VSNL1: variants seen among roughly 807,000 people sequenced by gnomAD.
VSNL1 encodes the protein visinin like 1.
In VSNL1, 6 loss-of-function variants were observed where a neutral mutation model predicts 20.4. The ratio of observed to expected loss-of-function variants is 0.29; its 90% CI spans 0.16 to 0.58. VSNL1 has a LOEUF of 0.58. Ranked by LOEUF, VSNL1 falls within the 20% of genes least tolerant of loss-of-function variation. The pLI is 0.90. For synonymous variants in VSNL1, 93 were observed against 86.4 expected (o/e 1.08, Z -0.42); for missense variants, 100 against 234.5 (o/e 0.43, Z 3.75).
At chr2:17,579,306 G>A (rs1208709192) in intron 1 of VSNL1, among the ~76,000 whole-genome samples, 2 of 152,086 alleles carry the variant, frequency 1.3e-5, no homozygotes, top group Non-Finnish European at 2.9e-5. Context: ...TAGTAGGGAC[G>A]GGGTTTCACT....
chr2:17,581,408 G>C (rs1428457478), intron 1 of VSNL1, among the ~76,000 whole-genome samples: 1 of 152,120 alleles, frequency 6.6e-6, no homozygotes, highest in African/African-American at 2.4e-5. Flanking sequence ...CATCAATGTA[G>C]ATATACATTA....
chr2:17,633,135 C>T (rs1232583275), intron 2 of VSNL1, among the ~76,000 whole-genome samples: 1 of 152,162 alleles, frequency 6.6e-6, no homozygotes, highest in Non-Finnish European at 1.5e-5. Context: ...TCATGTCTTA[C>T]ATGGCATCAG....
Position 17,656,901 on chromosome 2 carries a change from G to C in VSNL1, c.*1507G>C, listed in dbSNP as rs1164565364. On this transcript the variant is annotated 3_prime_UTR_variant, in exon 4 of 4. Transcript: ENST00000295156. ...TAGCTAGTGGCTTTAGTAACAGACAGTTTAGTGCTATATTATTTATTCAAG... is the reference window on the plus strand; with the variant it reads ...TAGCTAGTGGCTTTAGTAACAGACACTTTAGTGCTATATTATTTATTCAAG... The C allele has an allele frequency of 6.6e-6, 1 of 152,170 alleles. No individual in the cohort carries two copies. Among genetic ancestry groups the C allele is most frequent in the Non-Finnish European group, 1.5e-5 (1 of 68,018 alleles). The allele number at this position is 152,170 out of a possible 1,614,324, so 9.4% of individuals were successfully genotyped here.
At chr2:17,608,393 A>G (rs1665004503) in intron 2 of VSNL1, among the ~76,000 whole-genome samples, 1 of 152,244 alleles carries the variant, frequency 6.6e-6, no homozygotes, top group Non-Finnish European at 1.5e-5. Flanking sequence ...TTCACAGCTC[A>G]GCCCCAGTCA....
chr2:17,593,653 A>G (rs1664646111), intron 2 of VSNL1, among the ~76,000 whole-genome samples: 1 of 152,244 alleles, frequency 6.6e-6, no homozygotes, highest in South Asian at 2.1e-4. Context: ...CAGAATAAGT[A>G]GTGTGCATTT....
In VSNL1 at chr2:17,592,172, G is replaced by A. The variant is rs1176302711; in HGVS notation, c.98G>A (p.Gly33Glu). Residue 33 changes from glycine (G) to glutamate (E), a missense_variant, in exon 2 of 4, where the codon GGA (glycine) becomes GAA (glutamate). Gly to Glu is a moderately conservative substitution (Grantham distance 98). Transcript: ENST00000295156. ...NEHELKQWYK[G>E]FLKDCPSGRL... ...CATGAACTCAAGCAGTGGTACAAAG[G>A]ATTTCTCAAGGACTGTCCAAGTGGG... is the stretch of plus-strand genomic sequence containing the variant. The A allele has an allele frequency of 6.2e-7, 1 of 1,613,774 alleles. No individual in the cohort carries two copies. The highest frequency in any genetic ancestry group is 8.5e-7 in the Non-Finnish European group (1 of 1,179,836).
At chr2:17,590,893 G>A (rs113993518) in intron 1 of VSNL1, among the ~76,000 whole-genome samples, 20 of 152,102 alleles carry the variant, frequency 1.3e-4, no homozygotes, top group African/African-American at 4.8e-4. Flanking sequence ...AGATCATCTG[G>A]CACTTTCCAG....
chr2:17,636,745 T>C lies in VSNL1; in HGVS notation c.163-12665T>C, dbSNP rs773861631. ...CTATTTTTTTTTTTTACCTTTGTAA[T>C]ATGGCTATTAGAAAAATTCCAATTC... On this transcript the variant is annotated intron_variant, in intron 2 of 3. Coordinates refer to ENST00000295156, the MANE Select transcript of VSNL1 (RefSeq NM_003385.5). Among the ~76,000 whole-genome samples the C allele has an allele frequency of 4.3e-4, 66 of 152,208 alleles. 1 individual carries two copies. The highest frequency in any genetic ancestry group is 2.1e-3 in the Admixed American group (32 of 15,274).
intron 2 of VSNL1, among the ~76,000 whole-genome samples, chr2:17,604,402 C>G (rs1459776563): frequency 6.6e-6 from 1 of 152,260 alleles, no homozygotes; most frequent in Non-Finnish European, 1.5e-5. Flanking sequence ...AGCCCACCAG[C>G]CTAGTCTTGT....
intron 1 of VSNL1, among the ~76,000 whole-genome samples, chr2:17,566,630 T>A (rs1359449426): frequency 6.6e-6 from 1 of 152,208 alleles, no homozygotes; most frequent in Non-Finnish European, 1.5e-5. Flanking sequence ...GTTATATACA[T>A]TGCAGATATT....
chr2:17,576,382 T>C (rs1664215360), intron 1 of VSNL1, among the ~76,000 whole-genome samples: 1 of 152,236 alleles, frequency 6.6e-6, no homozygotes, highest in African/African-American at 2.4e-5. Flanking sequence ...TATGTGTCTG[T>C]ATGTAACTTT....
chr2:17,559,669 C>T (rs978676924), intron 1 of VSNL1, among the ~76,000 whole-genome samples: 1 of 152,126 alleles, frequency 6.6e-6, no homozygotes, highest in Admixed American at 6.5e-5. Context: ...AGGTAAATCA[C>T]ATTCATTTAC....
intron 2 of VSNL1, among the ~76,000 whole-genome samples, chr2:17,601,041 C>T (rs996374982): frequency 6.6e-6 from 1 of 152,138 alleles, no homozygotes; most frequent in Non-Finnish European, 1.5e-5. Flanking sequence ...GGATGGCTTC[C>T]ACACCTTGGG....
intron 2 of VSNL1, among the ~76,000 whole-genome samples, chr2:17,641,141 G>T (rs1665874322): frequency 6.6e-6 from 1 of 152,234 alleles, no homozygotes; most frequent in East Asian, 1.9e-4. Context: ...TGTGAAATGA[G>T]TTGGGTGCAG....
intron 2 of VSNL1, among the ~76,000 whole-genome samples, chr2:17,639,360 G>A (rs1331044391): frequency 6.6e-6 from 1 of 152,144 alleles, no homozygotes; most frequent in Non-Finnish European, 1.5e-5. Context: ...GCCTTGGCTG[G>A]GTTTGCACTG....
At chr2:17,606,557 G>T (rs1664948609) in intron 2 of VSNL1, among the ~76,000 whole-genome samples, 1 of 152,166 alleles carries the variant, frequency 6.6e-6, no homozygotes, top group South Asian at 2.1e-4. Flanking sequence ...ACCAAGGTGG[G>T]CTATGACTGT....
intron 2 of VSNL1, among the ~76,000 whole-genome samples, chr2:17,630,755 T>G (rs947586571): frequency 6.6e-6 from 1 of 152,084 alleles, no homozygotes; most frequent in African/African-American, 2.4e-5. Context: ...CACCCGCATA[T>G]ATGGGGCAAA....
chr2:17,644,420 A>G (rs1558310690), intron 2 of VSNL1, among the ~76,000 whole-genome samples: 1 of 152,174 alleles, frequency 6.6e-6, no homozygotes, highest in African/African-American at 2.4e-5. Flanking sequence ...GCCTAAAGCA[A>G]AGAGCAGCCT....
At chr2:17,560,636 T>C (rs1663792148) in intron 1 of VSNL1, among the ~76,000 whole-genome samples, 1 of 152,154 alleles carries the variant, frequency 6.6e-6, no homozygotes, top group African/African-American at 2.4e-5. Flanking sequence ...TATTAAAGAC[T>C]TCAATTTTTT....
Sources: allele counts gnomAD v4.1 joint callset (sites outside exome capture counted in the v4.1 genomes callset), GRCh38; gene constraint gnomAD v4.1.1; transcripts MANE v1.5; gene names NCBI Gene and HGNC (gene_info 2026-07-23, HGNC 2026-07-21).